PDE4D: variants seen among roughly 807,000 people sequenced by gnomAD.
PDE4D encodes 3',5'-cyclic-AMP phosphodiesterase 4D.
Under a neutral mutation model 87.4 loss-of-function variants are expected in PDE4D, and 24 were observed. The observed-to-expected ratio is 0.27, with a 90% CI of 0.20 to 0.39. The LOEUF (loss-of-function observed/expected upper bound fraction) is 0.39, where lower values mean the gene tolerates loss of function less well. PDE4D is among the 10% of genes least tolerant of loss of function. The probability of loss-of-function intolerance (pLI) is 1.00; values close to 1 mark genes in which losing one functional copy is unlikely to be tolerated. For missense variants in PDE4D, 714 were observed against 1,041.0 expected, an observed-to-expected ratio of 0.69 and a Z score of 4.32; for synonymous variants, 384 against 383.2, an observed-to-expected ratio of 1.00 and a Z score of -0.02.
intron 5 of PDE4D, among the ~76,000 whole-genome samples, chr5:59,177,677 TGTTC>T (rs767610395): frequency 1.4e-4 from 22 of 152,208 alleles, no homozygotes; most frequent in African/African-American, 2.2e-4. Flanking sequence ...CATGTTGTGA[TGTTC>T]TGTGGAGTTG....
Position 59,862,732 on chromosome 5 carries a change from T to A in PDE4D, c.455+30436A>T, listed in dbSNP as rs140864774. ...GAATCCCAGCTCAATAACTAGCAGA[T>A]TTTTTTTCCTGCGGAAAAGTTTCTT... On this transcript the variant is annotated intron_variant, in intron 1 of 14. Transcript: ENST00000340635. Among the ~76,000 whole-genome samples, 75 of 152,260 alleles carry A rather than the reference T, an allele frequency of 4.9e-4. 1 individual carries two copies. Among genetic ancestry groups the A allele is most frequent in the African/African-American group, 1.7e-3 (71 of 41,552 alleles).
In PDE4D at chr5:60,474,295, C is replaced by T. The variant is rs561652084; in HGVS notation, c.-90+13647G>A. On this transcript the variant is annotated intron_variant, in intron 1 of 16. Coordinates refer to the PDE4D transcript ENST00000502484. ...TTATAGACAGCACCTTCTATGTGTCCTCACATGATGGAAGGGGCAAACAGG... is the reference window on the plus strand; with the variant it reads ...TTATAGACAGCACCTTCTATGTGTCTTCACATGATGGAAGGGGCAAACAGG... Among the ~76,000 whole-genome samples, 34 of 151,372 alleles carry T rather than the reference C, an allele frequency of 2.2e-4. 1 individual carries two copies. The South Asian group carries it at 6.3e-3, about 28-fold the overall frequency.
intron 2 of PDE4D, among the ~76,000 whole-genome samples, chr5:60,024,919 G>GT (rs766094687): frequency 1.4e-3 from 207 of 152,086 alleles, no homozygotes; most frequent in Non-Finnish European, 2.6e-3. Flanking sequence ...ACTGCTTGAA[G>GT]TATCATCAAG....
intron 1 of PDE4D, among the ~76,000 whole-genome samples, chr5:59,221,364 G>A (rs1752523559): frequency 6.6e-6 from 1 of 152,314 alleles, no homozygotes; most frequent in Admixed American, 6.5e-5. Context: ...GGGTGTGGTG[G>A]CTCATGCCTA....
In PDE4D at chr5:59,933,338, A is replaced by C. The variant is rs138492138; in HGVS notation, c.272+55150T>G. 2.6e-3 allele frequency among the ~76,000 whole-genome samples: 401 copies of C among 152,364 alleles called. 1 individual carries two copies. Among genetic ancestry groups the C allele is most frequent in the Middle Eastern group, 6.8e-3 (2 of 294 alleles). On this transcript the variant is annotated intron_variant, in intron 3 of 16. Coordinates refer to the PDE4D transcript ENST00000502484. ...ATCTCTGTTCAATTAAGGGTAGAACACTATGGAAATGTCTTCAGAGTAAAC... is the reference window on the plus strand; with the variant it reads ...ATCTCTGTTCAATTAAGGGTAGAACCCTATGGAAATGTCTTCAGAGTAAAC...
chr5:60,149,480 A>G (rs1376496061), intron 2 of PDE4D, among the ~76,000 whole-genome samples: 6 of 152,174 alleles, frequency 3.9e-5, no homozygotes, highest in Non-Finnish European at 5.9e-5. Flanking sequence ...TTGGGGATTA[A>G]GTTTCTAATA....
At chr5:60,246,251 TA>T (rs1191862937) in intron 1 of PDE4D, among the ~76,000 whole-genome samples, 1 of 151,862 alleles carries the variant, frequency 6.6e-6, no homozygotes, top group Non-Finnish European at 1.5e-5. Context: ...TAATTTTCAT[TA>T]TTTTTTTGCT....
chr5:59,796,820 A>G (rs924325769), intron 1 of PDE4D, among the ~76,000 whole-genome samples: 1 of 152,186 alleles, frequency 6.6e-6, no homozygotes, highest in African/African-American at 2.4e-5. Flanking sequence ...CATCAAATGC[A>G]AGAATATGGA....
chr5:60,226,833 TCA>T (rs5868227), intron 1 of PDE4D, among the ~76,000 whole-genome samples: 32 of 148,030 alleles, frequency 2.2e-4, no homozygotes, highest in Non-Finnish European at 2.7e-4. Flanking sequence ...TTTCTACACA[TCA>T]CACACACACA....
intron 1 of PDE4D, among the ~76,000 whole-genome samples, chr5:59,343,392 T>C (rs1779091970): frequency 6.6e-6 from 1 of 152,122 alleles, no homozygotes; most frequent in African/African-American, 2.4e-5. Flanking sequence ...TTTTTTAGAT[T>C]CCACATAGAA....
chr5:59,067,139 T>A (rs1415681183), intron 5 of PDE4D, among the ~76,000 whole-genome samples: 2 of 151,650 alleles, frequency 1.3e-5, no homozygotes, highest in Non-Finnish European at 2.9e-5. Flanking sequence ...CTTAGCCTCC[T>A]GAGTTGCTGG....
In PDE4D at chr5:60,014,908, G is replaced by A. The variant is rs1233199926; in HGVS notation, c.43-26191C>T. ...GAGTCAACAGGCACTGAAAACAATGGAATAGAAATCCACATCCAGAGAACA... is the reference window on the plus strand; with the variant it reads ...GAGTCAACAGGCACTGAAAACAATGAAATAGAAATCCACATCCAGAGAACA... On this transcript the variant is annotated intron_variant, in intron 2 of 16. Coordinates refer to the PDE4D transcript ENST00000502484. 2.6e-5 allele frequency among the ~76,000 whole-genome samples: 4 copies of A among 152,140 alleles called. No individual in the cohort carries two copies. In the East Asian group the frequency reaches 7.7e-4, roughly 29 times the overall value.
chr5:59,394,452 C>T (rs201260121), intron 1 of PDE4D, among the ~76,000 whole-genome samples: 23 of 151,990 alleles, frequency 1.5e-4, no homozygotes, highest in East Asian at 3.9e-4. Context: ...TCTTTTTTTG[C>T]CCAATGTGTA....
intron 1 of PDE4D, among the ~76,000 whole-genome samples, chr5:59,640,163 T>A (rs2150188575): frequency 6.6e-6 from 1 of 152,270 alleles, no homozygotes; most frequent in South Asian, 2.1e-4. Flanking sequence ...TACACAGGCA[T>A]AAGATATTTG....
chr5:59,768,345 A>G (rs776145248), intron 1 of PDE4D: 3 of 1,598,274 alleles, frequency 1.9e-6, no homozygotes, highest in Non-Finnish European at 2.5e-6. Context: ...AGATCACTGG[A>G]GAGAGCTTGG....
intron 2 of PDE4D, among the ~76,000 whole-genome samples, chr5:60,073,516 A>T (rs1772963775): frequency 6.8e-6 from 1 of 146,478 alleles, no homozygotes. Context: ...TTAAATCAGG[A>T]TGATGCTGGC....
intron 1 of PDE4D, among the ~76,000 whole-genome samples, chr5:60,224,670 T>C (rs1670558339): frequency 6.6e-6 from 1 of 152,124 alleles, no homozygotes; most frequent in South Asian, 2.1e-4. Flanking sequence ...GGGAGCATTC[T>C]AAGAAATCTA....
chr5:59,897,408 C>CT (rs1391932154), upstream of PDE4D, among the ~76,000 whole-genome samples: 1 of 151,900 alleles, frequency 6.6e-6, no homozygotes, highest in Non-Finnish European at 1.5e-5. Context: ...GTGGCAGTAA[C>CT]TAAGGGTCCA....
upstream of PDE4D, among the ~76,000 whole-genome samples, chr5:59,896,403 G>T (rs1249536788): frequency 6.6e-6 from 1 of 152,088 alleles, no homozygotes; most frequent in East Asian, 1.9e-4. Flanking sequence ...CTAGAGCAGT[G>T]ATTCCAAACT....
Sources: gnomAD v4.1 joint callset for allele counts (sites outside exome capture counted in the v4.1 genomes callset) on GRCh38, gnomAD v4.1.1 for gene constraint, MANE v1.5 for transcripts, NCBI Gene and HGNC (gene_info 2026-07-23, HGNC 2026-07-21) for gene names.